CIMIP5: variants seen among roughly 807,000 people sequenced by gnomAD.
CIMIP5 encodes the protein uncharacterized protein C2orf50.
At chr2:11,144,522 T>G in the CIMIP5 span, 1 of 158,200 alleles carries the variant, frequency 6.3e-6, no homozygotes, top group East Asian at 1.8e-4. Context: ...TCCTTGCAGC[T>G]GCTGTGACAA....
chr2:11,133,236 G>T, the CIMIP5 span: 1 of 1,405,834 alleles, frequency 7.1e-7, no homozygotes, highest in Non-Finnish European at 9.3e-7. Context: ...GGGTTAGGAG[G>T]GACAGAGTGT....
At chr2:11,135,225 G>T in the CIMIP5 span, among the ~76,000 whole-genome samples, 4 of 152,188 alleles carry the variant, frequency 2.6e-5, no homozygotes, top group East Asian at 1.9e-4. Context: ...ATATCGGAGG[G>T]ATTGCAGGAT....
chr2:11,142,998 C>T, the CIMIP5 span, among the ~76,000 whole-genome samples: 3 of 152,188 alleles, frequency 2.0e-5, no homozygotes, highest in African/African-American at 7.2e-5. Flanking sequence ...GCCATGGTGC[C>T]TGGCCATCAG....
chr2:11,133,269 G>T, the CIMIP5 span: 30 of 1,503,386 alleles, frequency 2.0e-5, no homozygotes, highest in Non-Finnish European at 2.5e-5. Flanking sequence ...TTTGAGCTGA[G>T]CTCAGGCACA....
At chr2:11,148,851 C>T in the CIMIP5 span, among the ~76,000 whole-genome samples, 2 of 149,532 alleles carry the variant, frequency 1.3e-5, no homozygotes, top group East Asian at 2.0e-4. Flanking sequence ...TCTCCTGCCT[C>T]GGCCTCCAAG....
At chr2:11,139,198 G>A in the CIMIP5 span, among the ~76,000 whole-genome samples, 8 of 152,234 alleles carry the variant, frequency 5.3e-5, no homozygotes, top group South Asian at 1.5e-3. Flanking sequence ...GATTACAGGC[G>A]TGAGCCACCG....
chr2:11,135,768 C>G, the CIMIP5 span, among the ~76,000 whole-genome samples: 1 of 151,650 alleles, frequency 6.6e-6, no homozygotes, highest in African/African-American at 2.4e-5. Flanking sequence ...GTCTTGAACT[C>G]CTGACCACAG....
the CIMIP5 span, among the ~76,000 whole-genome samples, chr2:11,135,481 AG>A: frequency 6.6e-6 from 1 of 152,152 alleles, no homozygotes; most frequent in Admixed American, 6.5e-5. Flanking sequence ...CCCAGGCTGG[AG>A]TGAAGTGGTG....
At chr2:11,133,303 C>T in the CIMIP5 span, 3 of 1,541,774 alleles carry the variant, frequency 1.9e-6, no homozygotes, top group East Asian at 2.3e-5. Flanking sequence ...CTCTCTCTGA[C>T]ACAAGCGCAC....
chr2:11,143,871 TC>T, the CIMIP5 span: 11 of 1,447,518 alleles, frequency 7.6e-6, no homozygotes, highest in Non-Finnish European at 1.0e-5. Context: ...CATTCTAAGG[TC>T]CTCCTTTTTC....
chr2:11,136,734 C>T, the CIMIP5 span, among the ~76,000 whole-genome samples: 1 of 152,168 alleles, frequency 6.6e-6, no homozygotes, highest in Admixed American at 6.5e-5. Context: ...TAATTGTGTC[C>T]TTTAAAAGGT....
the CIMIP5 span, among the ~76,000 whole-genome samples, chr2:11,135,429 TTTTTG>T: frequency 3.9e-5 from 6 of 152,054 alleles, no homozygotes; most frequent in Non-Finnish European, 7.4e-5. Flanking sequence ...TCATTGTGAT[TTTTTG>T]TTTTGTTTTG....
chr2:11,142,675 G>A, the CIMIP5 span, among the ~76,000 whole-genome samples: 1 of 151,386 alleles, frequency 6.6e-6, no homozygotes, highest in African/African-American at 2.4e-5. Flanking sequence ...ACCCTAAACA[G>A]GGGCAGGAAG....
chr2:11,138,214 T>C, the CIMIP5 span, among the ~76,000 whole-genome samples: 1 of 152,234 alleles, frequency 6.6e-6, no homozygotes. Flanking sequence ...AGAGGGACTT[T>C]TCAGTTTTGT....
At chr2:11,150,277 C>T in the CIMIP5 span, among the ~76,000 whole-genome samples, 2 of 151,832 alleles carry the variant, frequency 1.3e-5, no homozygotes, top group African/African-American at 2.4e-5. Context: ...CTGAAAAGTC[C>T]CATGATGTAT....
At chr2:11,142,015 C>T in the CIMIP5 span, among the ~76,000 whole-genome samples, 1 of 152,020 alleles carries the variant, frequency 6.6e-6, no homozygotes, top group African/African-American at 2.4e-5. Flanking sequence ...CCTGTAATCT[C>T]AACACTTTGG....
chr2:11,151,923 C>T, the CIMIP5 span, among the ~76,000 whole-genome samples: 1 of 152,226 alleles, frequency 6.6e-6, no homozygotes, highest in African/African-American at 2.4e-5. Context: ...CGTGAGCCAC[C>T]GCGCTCCGAC....
chr2:11,149,476 T>C, the CIMIP5 span, among the ~76,000 whole-genome samples: 1 of 151,990 alleles, frequency 6.6e-6, no homozygotes, highest in African/African-American at 2.4e-5. Flanking sequence ...GAGGCCGAGG[T>C]AAAAGTATCG....
At chr2:11,141,622 C>T in the CIMIP5 span, among the ~76,000 whole-genome samples, 3 of 152,128 alleles carry the variant, frequency 2.0e-5, no homozygotes, top group Non-Finnish European at 2.9e-5. Flanking sequence ...ATATCTCACC[C>T]GTTATTTTGG....
Sources: allele counts gnomAD v4.1 joint callset (sites outside exome capture counted in the v4.1 genomes callset), GRCh38; gene constraint gnomAD v4.1.1; transcripts MANE v1.5; gene names NCBI Gene and HGNC (gene_info 2026-07-23, HGNC 2026-07-21).